NFATC2IP: variants seen among roughly 807,000 people sequenced by gnomAD.
NFATC2IP encodes the protein nuclear factor of activated T cells 2 interacting protein.
A neutral mutation model predicts 40.2 loss-of-function variants in NFATC2IP; 25 were observed. That is an observed-to-expected ratio of 0.62 (90% CI 0.45 to 0.87). The LOEUF is 0.87. Among genes scored for constraint, NFATC2IP ranks in the 40% least tolerant of loss-of-function variants. The pLI, the probability that NFATC2IP is intolerant of heterozygous loss-of-function variation, is 0.00. For synonymous variants in NFATC2IP, 241 were observed against 236.3 expected, an observed-to-expected ratio of 1.02 and a Z score of -0.18; for missense variants, 553 against 555.6, an observed-to-expected ratio of 1.00 and a Z score of 0.05.
Position 28,965,109 on chromosome 16 carries a change from A to ATGGGT in NFATC2IP, c.*1247_*1251dup, listed in dbSNP as rs1184982192. ...AGACTACCTAATTTTTGCCAGTCTC[A>ATGGGT]TGGGTAGATAGTGGTGCAGTGCTTT... On this transcript the variant is annotated 3_prime_UTR_variant, in exon 8 of 8. Coordinates refer to ENST00000320805, the MANE Select transcript of NFATC2IP (RefSeq NM_032815.4). 3.3e-5 allele frequency: 5 copies of ATGGGT among 152,158 alleles called. No homozygotes were observed. Among genetic ancestry groups the ATGGGT allele is most frequent in the Admixed American group, 3.3e-4 (5 of 15,264 alleles). 9.4% of individuals were successfully genotyped at this position (152,158 alleles called of 1,614,324 possible).
intron 7 of NFATC2IP, among the ~76,000 whole-genome samples, chr16:28,959,523 T>C (rs1375014785): frequency 1.3e-5 from 2 of 150,914 alleles, no homozygotes; most frequent in Admixed American, 1.3e-4. Flanking sequence ...CATTTGGCAA[T>C]AAGAAGATTG....
At chr16:28,956,626 C>T (rs994425448) in intron 5 of NFATC2IP, 4 of 361,142 alleles carry the variant, frequency 1.1e-5, no homozygotes, top group Non-Finnish European at 2.0e-5. Flanking sequence ...CTTACTGTGT[C>T]CAGGCTGGTT....
Position 28,965,321 on chromosome 16 carries a change from G to A in NFATC2IP, c.*1458G>A, listed in dbSNP as rs1011942234. ...AAGAATGCATATTTGGGCTGGGTAT[G>A]GAGGTTCACTGGTAATCCCAGCACT... On this transcript the variant is annotated 3_prime_UTR_variant, in exon 8 of 8. Coordinates refer to ENST00000320805, the MANE Select transcript of NFATC2IP (RefSeq NM_032815.4). 1 of 152,134 alleles carries A rather than the reference G, an allele frequency of 6.6e-6. No homozygotes were observed. The highest frequency in any genetic ancestry group is 2.4e-5 in the African/African-American group (1 of 41,424). 9.4% of individuals were successfully genotyped at this position (152,134 alleles called of 1,614,324 possible).
At chr16:28,952,691 G>C (rs1423435503) in intron 2 of NFATC2IP, 1 of 152,844 alleles carries the variant, frequency 6.5e-6, no homozygotes, top group Admixed American at 6.5e-5. Context: ...ACAGTGGGGT[G>C]ATTAAAAGCA....
Position 28,951,340 on chromosome 16 carries a change from G to T in NFATC2IP, c.329G>T (p.Arg110Leu), listed in dbSNP as rs940951480. The T allele has an allele frequency of 2.8e-6, 4 of 1,411,600 alleles. No individual in the cohort carries two copies. The Admixed American group carries it at 9.6e-5, about 34-fold the overall frequency. The allele number at this position is 1,411,600 out of a possible 1,614,324, so 87.4% of individuals were successfully genotyped here. A position where few individuals can be genotyped will look rare whatever the true frequency, so the allele number is the denominator to read the frequency against. Reference protein sequence around the residue: ...AGPPREPVRRRRRLVLDPGEA... With the variant: ...AGPPREPVRRLRRLVLDPGEA... ...CCCCCGCGGGAGCCGGTCAGGCGGCGGCGGCGGCTGGTGCTGGATCCGGGG... is the reference window on the plus strand; with the variant it reads ...CCCCCGCGGGAGCCGGTCAGGCGGCTGCGGCGGCTGGTGCTGGATCCGGGG... Residue 110 changes from arginine to leucine, a missense_variant, in exon 1 of 8, where the codon CGG becomes CTG. Arg to Leu is a moderately radical substitution (Grantham distance 102, BLOSUM62 -2). Coordinates refer to ENST00000320805, the MANE Select transcript of NFATC2IP (RefSeq NM_032815.4).
intron 5 of NFATC2IP, among the ~76,000 whole-genome samples, chr16:28,958,159 A>G (rs9937676): frequency 0.48 from 72,963 of 151,358 alleles, 19,409 homozygotes; most frequent in African/African-American, 0.73. Context: ...TTAAAAAATA[A>G]GAAGATGTGG....
At position 28,965,089 on chromosome 16, in the gene NFATC2IP, A is replaced by C. The variant is rs888862175; in HGVS notation, c.*1226A>C. Reference sequence around the variant, plus strand: ...TTGCCAGCACTTGTATTGCCAGACTACCTAATTTTTGCCAGTCTCATGGGT... The same window carrying C: ...TTGCCAGCACTTGTATTGCCAGACTCCCTAATTTTTGCCAGTCTCATGGGT... On this transcript the variant is annotated 3_prime_UTR_variant, in exon 8 of 8. Transcript: ENST00000320805. 3.3e-5 allele frequency: 5 copies of C among 152,104 alleles called. No individual in the cohort carries two copies. The highest frequency in any genetic ancestry group is 1.2e-4 in the African/African-American group (5 of 41,412). 9.4% of individuals were successfully genotyped at this position (152,104 alleles called of 1,614,324 possible).
intron 3 of NFATC2IP, among the ~76,000 whole-genome samples, chr16:28,955,633 C>T (rs913672004): frequency 6.6e-6 from 1 of 152,112 alleles, no homozygotes; most frequent in African/African-American, 2.4e-5. Flanking sequence ...GGGCCTCACT[C>T]CATTGCCCAG....
chr16:28,951,050 A>G lies in NFATC2IP; in HGVS notation c.39A>G (p.Gly13=), dbSNP rs1304731540. 6.5e-7 allele frequency: 1 copy of G among 1,537,790 alleles called. No homozygotes were observed. The highest frequency in any genetic ancestry group is 8.7e-7 in the Non-Finnish European group (1 of 1,143,662). ...TGGGGAAGCGGGGCCGCTGGTCCGG[A>G]GGTAGCGGTGCCGGCCGAGGGGGTC... ...EPVGKRGRWS[G]GSGAGRGGRG... The change falls in exon 1 of 8, where the codon GGA becomes GGG. Residue 13 remains glycine (G), a synonymous_variant. Coordinates refer to ENST00000320805, the MANE Select transcript of NFATC2IP (RefSeq NM_032815.4).
intron 5 of NFATC2IP, chr16:28,956,557 C>T (rs1192452003): frequency 3.6e-6 from 2 of 562,236 alleles, no homozygotes; most frequent in Non-Finnish European, 6.3e-6. Context: ...AACTTTCTAC[C>T]CATTCTTCAA....
rs767725612 is a variant in NFATC2IP, at chr16:28,958,816, A to G, written c.946A>G (p.Thr316Ala). ...TTTTGGAGAGACAGAGCTATCACCT[A>G]CTGCCACTCCCAGGACCCTAAAGCT... ...LLFGETELSP[T>A]ATPRTLKLGV... is the part of the protein sequence containing the mutation. The change falls in exon 6 of 8, where the codon ACT becomes GCT. Residue 316 changes from threonine (T) to alanine (A), a missense_variant. By Grantham distance (58) the Thr-to-Ala change is moderately conservative. Coordinates refer to ENST00000320805, the MANE Select transcript of NFATC2IP (RefSeq NM_032815.4). The G allele has an allele frequency of 2.5e-6, 4 of 1,614,088 alleles. No individual in the cohort carries two copies. Among genetic ancestry groups the G allele is most frequent in the Non-Finnish European group, 3.4e-6 (4 of 1,179,994 alleles).
chr16:28,958,031 G>A (rs1002720338), intron 5 of NFATC2IP, among the ~76,000 whole-genome samples: 2 of 151,676 alleles, frequency 1.3e-5, no homozygotes, highest in Non-Finnish European at 2.9e-5. Flanking sequence ...GAAAGAGCGA[G>A]ACTCTGCCTC....
rs777015718 is a variant in NFATC2IP at position 28,956,180 on chromosome 16, G to A, written c.689G>A (p.Arg230His). 68 of 1,613,932 alleles carry A rather than the reference G, an allele frequency of 4.2e-5. No homozygotes were observed. Among genetic ancestry groups the A allele is most frequent in the Non-Finnish European group, 4.8e-5 (57 of 1,180,028 alleles). ...SEVNKRLQDL[R>H]SCLSPKPPQG... is the part of the protein sequence containing the mutation. ...GTGAACAAGCGCCTCCAGGATCTCC[G>A]TTCCTGTCTGAGCCCCAAGCCACCT... The change falls in exon 5 of 8, where the codon CGT becomes CAT. Residue 230 changes from arginine to histidine, a missense_variant. Arg to His is a conservative substitution (Grantham distance 29). Coordinates refer to ENST00000320805, the MANE Select transcript of NFATC2IP (RefSeq NM_032815.4).
Position 28,951,213 on chromosome 16 carries a change from G to A in NFATC2IP, c.202G>A (p.Ala68Thr). ...GGAGGTCGCCACCGCTCGCGGTGCC[G>A]CGGACGAGGTTGAGGTGGAGCCCCC... is the stretch of plus-strand genomic sequence containing the variant. ...ILEVATARGA[A>T]DEVEVEPPEP... The change falls in exon 1 of 8, where the codon GCG (alanine) becomes ACG (threonine). Residue 68 changes from alanine (A) to threonine (T), a missense_variant. By Grantham distance (58) the Ala-to-Thr change is moderately conservative. Transcript: ENST00000320805. The A allele has an allele frequency of 6.5e-7, 1 of 1,535,090 alleles. No individual in the cohort carries two copies. Among genetic ancestry groups the A allele is most frequent in the Non-Finnish European group, 8.8e-7 (1 of 1,138,386 alleles).
intron 2 of NFATC2IP, 85 bp downstream of exon 2, chr16:28,952,289 G>A (rs1158355737): frequency 6.3e-7 from 1 of 1,589,772 alleles, no homozygotes; most frequent in African/African-American, 1.3e-5. Flanking sequence ...GCAGTCAGTT[G>A]TCTCCTGAGG....
chr16:28,958,633 C>T, intron 5 of NFATC2IP, 84 bp from the exon 6 acceptor site: 1 of 1,179,120 alleles, frequency 8.5e-7, no homozygotes, highest in Non-Finnish European at 1.2e-6. Flanking sequence ...GTAGCTAAGG[C>T]CAGAGCTTGT....
rs907507696 is a variant in NFATC2IP at position 28,963,736 on chromosome 16, A to G, written c.1133A>G (p.Tyr378Cys). 3.1e-6 allele frequency: 5 copies of G among 1,613,720 alleles called. No homozygotes were observed. In the African/African-American group the frequency reaches 4.0e-5, roughly 13 times the overall value. ...CCTCTAAAGACCCTCATGTCCCACT[A>G]TGAGGAGGCCATGGGACTGTCGGGA... is the stretch of plus-strand genomic sequence containing the variant. ...DSPLKTLMSH[Y>C]EEAMGLSGRK... Residue 378 changes from tyrosine (Y) to cysteine (C), a missense_variant, in exon 8 of 8, where the codon TAT becomes TGT. Transcript: ENST00000320805.
In NFATC2IP at chr16:28,951,206, C is replaced by T. The variant is rs1035520203; in HGVS notation, c.195C>T (p.Arg65=). The T allele has an allele frequency of 6.5e-7, 1 of 1,536,050 alleles. No individual in the cohort carries two copies. Among genetic ancestry groups the T allele is most frequent in the Non-Finnish European group, 8.8e-7 (1 of 1,138,986 alleles). ...AAATTCTGGAGGTCGCCACCGCTCGCGGTGCCGCGGACGAGGTTGAGGTGG... is the reference window on the plus strand; with the variant it reads ...AAATTCTGGAGGTCGCCACCGCTCGTGGTGCCGCGGACGAGGTTGAGGTGG... The part of the protein sequence containing the change: ...DEEILEVATA[R]GAADEVEVEP... Residue 65 remains arginine (R), a synonymous_variant, in exon 1 of 8, where the codon CGC becomes CGT. Transcript: ENST00000320805.
intron 7 of NFATC2IP, 45 bp from the exon 8 acceptor site, chr16:28,963,659 GC>G: frequency 6.3e-7 from 1 of 1,579,202 alleles, no homozygotes. Flanking sequence ...CGGGATCCCC[GC>G]CCCCTTTCAT....
Sources: allele counts gnomAD v4.1 joint callset (sites outside exome capture counted in the v4.1 genomes callset), GRCh38; gene constraint gnomAD v4.1.1; transcripts MANE v1.5; gene names NCBI Gene and HGNC (gene_info 2026-07-23, HGNC 2026-07-21).